Variants in ANGPT4 observed in about 807,000 individuals in gnomAD.
The protein encoded by ANGPT4 is angiopoietin 4, also known as angiopoietin-4.
ANGPT4 carries 50 observed loss-of-function variants against 53.0 expected under a neutral mutation model. That is an observed-to-expected ratio of 0.94 (90% CI 0.75 to 1.20). The LOEUF (loss-of-function observed/expected upper bound fraction) is 1.20, where lower values mean the gene tolerates loss of function less well. Among genes scored for constraint, ANGPT4 ranks in the 50% most tolerant of loss-of-function variants. ANGPT4 has a pLI of 0.00. For synonymous variants in ANGPT4, 251 were observed against 259.7 expected (o/e 0.97, Z 0.32); for missense variants, 648 against 637.1 (o/e 1.02, Z -0.18).
At chr20:879,508 A>T (rs55666732) in intron 6 of ANGPT4, among the ~76,000 whole-genome samples, 14,128 of 151,954 alleles carry the variant, frequency 0.093, 1,039 homozygotes, top group East Asian at 0.43. Flanking sequence ...GTATTTTTTT[A>T]AAAAAAATTA....
In ANGPT4 at chr20:874,297, T is replaced by G. The variant is rs944110; in HGVS notation, c.1338A>C (p.Gln446His). 6.2e-7 allele frequency: 1 copy of G among 1,613,790 alleles called. No individual in the cohort carries two copies. Among genetic ancestry groups the G allele is most frequent in the Non-Finnish European group, 8.5e-7 (1 of 1,179,938 alleles). ...DNDHCLCKCA[Q>H]VMSGGWWFDA... ...CCCTGCACCTACCTCCAGACATCAC[T>G]TGGGCACACTTGCAGAGACAGTGGT... Residue 446 changes from glutamine to histidine, a missense_variant, in exon 8 of 9, where the codon CAA becomes CAC. By Grantham distance (24) the Gln-to-His change is conservative. Coordinates refer to ENST00000381922, the MANE Select transcript of ANGPT4 (RefSeq NM_015985.4).
At chr20:879,497 T>A (rs1297423054) in intron 6 of ANGPT4, among the ~76,000 whole-genome samples, 1 of 152,194 alleles carries the variant, frequency 6.6e-6, no homozygotes, top group Non-Finnish European at 1.5e-5. Context: ...GAAATGTATA[T>A]GTATTTTTTT....
intron 3 of ANGPT4, among the ~76,000 whole-genome samples, chr20:887,636 CT>C (rs55666688): frequency 0.39 from 51,169 of 129,812 alleles, 10,423 homozygotes; most frequent in Non-Finnish European, 0.52. Context: ...CTCATGACCG[CT>C]TTTTTTTTTT....
At position 908,342 on chromosome 20, in the gene ANGPT4, G is replaced by C. The variant is rs968029609; in HGVS notation, c.309+7564C>G. On this transcript the variant is annotated intron_variant, in intron 1 of 8. Transcript: ENST00000381922. The surrounding 1 kb of genome is among the most constrained non-coding windows in gnomAD (Gnocchi z 4.9). ...GACACACTGAATGCCTTTTGCTTTT[G>C]GCCCATTCTACCCCCAGGGCCTTTG... Among the ~76,000 whole-genome samples, 2 of 152,092 alleles carry C rather than the reference G, an allele frequency of 1.3e-5. No individual in the cohort carries two copies. The highest frequency in any genetic ancestry group is 2.9e-5 in the Non-Finnish European group (2 of 68,010).
At chr20:882,408 C>A (rs1017654429) in intron 4 of ANGPT4, among the ~76,000 whole-genome samples, 11 of 152,150 alleles carry the variant, frequency 7.2e-5, no homozygotes, top group African/African-American at 2.2e-4. Flanking sequence ...CAGTGAGGAA[C>A]CAGGAGGCTA....
rs776112183 is a variant in ANGPT4, at chr20:916,118, A to G, written c.97T>C (p.Cys33Arg). 6.2e-7 allele frequency: 1 copy of G among 1,614,200 alleles called. No homozygotes were observed. The highest frequency in any genetic ancestry group is 8.5e-7 in the Non-Finnish European group (1 of 1,180,014). The change falls in exon 1 of 9, where the codon TGC becomes CGC. Residue 33 changes from cysteine to arginine, a missense_variant. Physicochemically the swap from Cys to Arg is radical, Grantham distance 180. Coordinates refer to ENST00000381922, the MANE Select transcript of ANGPT4 (RefSeq NM_015985.4). ...CCGTGCTGGACTACAAGTGTCTCGCAGCCCCTATCCGCCTCCTGCCTTGTC... is the reference window on the plus strand; with the variant it reads ...CCGTGCTGGACTACAAGTGTCTCGCGGCCCCTATCCGCCTCCTGCCTTGTC... ...QQTRQEADRG[C>R]ETLVVQHGHC... is the part of the protein sequence containing the mutation.
chr20:903,102 C>T lies in ANGPT4; in HGVS notation c.310-12734G>A, dbSNP rs184708319. 2.8e-3 allele frequency among the ~76,000 whole-genome samples: 419 copies of T among 152,218 alleles called. 3 individuals are homozygous for T. Among genetic ancestry groups the T allele is most frequent in the African/African-American group, 9.5e-3 (396 of 41,540 alleles). On this transcript the variant is annotated intron_variant, in intron 1 of 8. Transcript: ENST00000381922. The stretch of plus-strand genomic sequence containing the variant: ...AGTGGTGCTTCCCTCACCCAGGGTA[C>T]GACCCAGGCTTTAGCCTTGCAGCCA...
At chr20:882,508 T>C (rs1430433421) in intron 4 of ANGPT4, among the ~76,000 whole-genome samples, 3 of 152,014 alleles carry the variant, frequency 2.0e-5, no homozygotes, top group African/African-American at 7.2e-5. Flanking sequence ...GAGAAGGCTA[T>C]TGCTCTCATG....
In ANGPT4 at chr20:908,331, C is replaced by CT. The variant is rs1392912934; in HGVS notation, c.309+7574dup. On this transcript the variant is annotated intron_variant, in intron 1 of 8. Coordinates refer to ENST00000381922, the MANE Select transcript of ANGPT4 (RefSeq NM_015985.4). This position sits in a 1 kb window ranked among gnomAD's most constrained non-coding sequence, Gnocchi z 4.9. ...TCTGCACTGTAGACACACTGAATGC[C>CT]TTTTGCTTTTGGCCCATTCTACCCC... Among the ~76,000 whole-genome samples, 9 of 152,170 alleles carry CT rather than the reference C, an allele frequency of 5.9e-5. No homozygotes were observed. The highest frequency in any genetic ancestry group is 2.9e-5 in the Non-Finnish European group (2 of 68,032).
At chr20:879,271 T>C (rs752308585) in intron 6 of ANGPT4, among the ~76,000 whole-genome samples, 15 of 152,210 alleles carry the variant, frequency 9.9e-5, no homozygotes, top group Non-Finnish European at 1.8e-4. Context: ...AAAAATCCTT[T>C]ATTCAAAACC....
At chr20:878,972 A>G (rs1034900792) in intron 6 of ANGPT4, among the ~76,000 whole-genome samples, 3 of 152,168 alleles carry the variant, frequency 2.0e-5, no homozygotes, top group Admixed American at 6.5e-5. Flanking sequence ...CCGCTCCCCA[A>G]TTTAGTCACG....
At chr20:909,971 G>A (rs907901371) in intron 1 of ANGPT4, among the ~76,000 whole-genome samples, 5 of 152,208 alleles carry the variant, frequency 3.3e-5, no homozygotes, top group African/African-American at 1.2e-4. Context: ...CCTGGGGGAA[G>A]AAAAATCTAG....
In ANGPT4 at chr20:879,975, G is replaced by A. The variant is rs762447360; in HGVS notation, c.952-127C>T. The A allele has an allele frequency of 3.9e-4, 203 of 518,354 alleles. No homozygotes were observed. In the East Asian group the frequency reaches 6.5e-3, roughly 17 times the overall value. 32.1% of individuals were successfully genotyped at this position (518,354 alleles called of 1,614,324 possible). On this transcript the variant is annotated intron_variant, in intron 5 of 8. Transcript: ENST00000381922. ...CAACAGGTGAGCCTGGGGGTCCTGGGCATCAGAAAGATCCAGGCTTAAATT... is the reference window on the plus strand; with the variant it reads ...CAACAGGTGAGCCTGGGGGTCCTGGACATCAGAAAGATCCAGGCTTAAATT...
At position 888,318 on chromosome 20, in the gene ANGPT4, C is replaced by A. The variant is rs772080077; in HGVS notation, c.587G>T (p.Ser196Ile). 2 of 1,612,694 alleles carry A rather than the reference C, an allele frequency of 1.2e-6. No homozygotes were observed. Among genetic ancestry groups the A allele is most frequent in the Admixed American group, 1.7e-5 (1 of 59,946 alleles). The part of the protein sequence containing the change: ...QKLQQLQGQN[S>I]ALEKRLQALE... Reference sequence around the variant, plus strand: ...GTCTGGTGCCAGGTGCCACACCCACCTGTTTTGGCCCTGAAGCTGCTGGAG... The same window carrying A: ...GTCTGGTGCCAGGTGCCACACCCACATGTTTTGGCCCTGAAGCTGCTGGAG... The change falls in exon 3 of 9, where the codon AGC becomes ATC. Residue 196 changes from serine (S) to isoleucine (I), a missense_variant and splice_region_variant. Coordinates refer to ENST00000381922, the MANE Select transcript of ANGPT4 (RefSeq NM_015985.4).
chr20:914,563 G>T lies in ANGPT4; in HGVS notation c.309+1343C>A, dbSNP rs1181864933. ...GCCGAGTGTTAGCAGGGAGCCAGGGGGGCAGCCAGGACAGCTATCCTGCCT... is the reference window on the plus strand; with the variant it reads ...GCCGAGTGTTAGCAGGGAGCCAGGGTGGCAGCCAGGACAGCTATCCTGCCT... On this transcript the variant is annotated intron_variant, in intron 1 of 8. Transcript: ENST00000381922. This position sits in a 1 kb window ranked among gnomAD's most constrained non-coding sequence, Gnocchi z 5.0. Among the ~76,000 whole-genome samples the T allele has an allele frequency of 6.6e-6, 1 of 152,052 alleles. No homozygotes were observed. Among genetic ancestry groups the T allele is most frequent in the Non-Finnish European group, 1.5e-5 (1 of 67,996 alleles).
At chr20:898,730 C>A (rs142245366) in intron 1 of ANGPT4, among the ~76,000 whole-genome samples, 4,973 of 152,298 alleles carry the variant, frequency 0.033, 110 homozygotes, top group Middle Eastern at 0.071. Flanking sequence ...AGAGAAACCC[C>A]AGCCACATCC....
At chr20:885,757 T>C (rs1035669432) in intron 3 of ANGPT4, among the ~76,000 whole-genome samples, 5 of 152,198 alleles carry the variant, frequency 3.3e-5, no homozygotes, top group Admixed American at 6.5e-5. Context: ...CCGTTGCGTT[T>C]TGGCGTCCCT....
chr20:893,000 A>C (rs949731929), intron 1 of ANGPT4, among the ~76,000 whole-genome samples: 4 of 149,958 alleles, frequency 2.7e-5, no homozygotes, highest in Non-Finnish European at 4.4e-5. Flanking sequence ...CTAACCACCC[A>C]CTCTCTGACT....
At chr20:887,190 T>C (rs1187141909) in intron 3 of ANGPT4, among the ~76,000 whole-genome samples, 1 of 152,200 alleles carries the variant, frequency 6.6e-6, no homozygotes, top group Admixed American at 6.5e-5. Flanking sequence ...AAATTTCCTC[T>C]GGACTCCCAA....
Sources: gnomAD v4.1 joint callset for allele counts (sites outside exome capture counted in the v4.1 genomes callset) on GRCh38, gnomAD v4.1.1 for gene constraint, Gnocchi (gnomAD v3.1) non-coding constraint, MANE v1.5 for transcripts, NCBI Gene and HGNC (gene_info 2026-07-23, HGNC 2026-07-21) for gene names.